The following TNS3 variants were observed in gnomAD, a reference collection of about 807,000 sequenced individuals.
TNS3 encodes the protein tensin-3.
Under a neutral mutation model 140.9 loss-of-function variants are expected in TNS3, and 45 were observed. That is an observed-to-expected ratio of 0.32 (90% confidence interval 0.25 to 0.41). The LOEUF is 0.41. TNS3 is among the 10% of genes least tolerant of loss of function. The pLI is 1.00. For missense variants in TNS3, 1,716 were observed against 1,906.7 expected, an observed-to-expected ratio of 0.90 and a Z score of 1.86; for synonymous variants, 815 against 788.4, an observed-to-expected ratio of 1.03 and a Z score of -0.56.
chr7:47,348,288 T>C (rs1194779175), intron 17 of TNS3, among the ~76,000 whole-genome samples: 1 of 152,200 alleles, frequency 6.6e-6, no homozygotes, highest in Non-Finnish European at 1.5e-5. Context: ...ACTGAGAGCC[T>C]GGTCCCCTTC....
intron 4 of TNS3, among the ~76,000 whole-genome samples, chr7:47,467,791 C>T (rs1796784593): frequency 6.6e-6 from 1 of 152,126 alleles, no homozygotes; most frequent in African/African-American, 2.4e-5. Context: ...GAAAACAAGG[C>T]CATGTATAAC....
chr7:47,293,972 A>T (rs1785861336), intron 24 of TNS3, 144 bp from the exon 25 acceptor site: 1 of 746,546 alleles, frequency 1.3e-6, no homozygotes, highest in African/African-American at 1.8e-5. Flanking sequence ...AGAGGCTGCC[A>T]AGAACCATCT....
At chr7:47,440,061 G>T (rs1795387857) in intron 5 of TNS3, among the ~76,000 whole-genome samples, 1 of 152,152 alleles carries the variant, frequency 6.6e-6, no homozygotes, top group African/African-American at 2.4e-5. Context: ...CTGCTCTGAG[G>T]TGTCAAGGTC....
intron 18 of TNS3, 49 bp downstream of exon 18, chr7:47,346,138 A>G (rs1355274610): frequency 6.2e-7 from 1 of 1,600,308 alleles, no homozygotes; most frequent in South Asian, 1.1e-5. Context: ...CCAGGACAAG[A>G]AAGGGAGTGG....
intron 5 of TNS3, among the ~76,000 whole-genome samples, chr7:47,441,283 A>T (rs10261349): frequency 1.3e-5 from 2 of 152,006 alleles, no homozygotes; most frequent in African/African-American, 4.8e-5. Context: ...GGTTAAAGGG[A>T]TTCTCCTGCC....
intron 16 of TNS3, 144 bp downstream of exon 16, chr7:47,396,656 A>G (rs777944289): frequency 5.7e-6 from 4 of 706,070 alleles, no homozygotes; most frequent in African/African-American, 1.7e-5. Context: ...CAACTGTGTC[A>G]CACGAAGGTG....
intron 12 of TNS3, among the ~76,000 whole-genome samples, chr7:47,412,342 C>T (rs566570301): frequency 6.6e-6 from 1 of 152,194 alleles, no homozygotes; most frequent in African/African-American, 2.4e-5. Flanking sequence ...GCAAAGGAGG[C>T]TAGACATGGC....
At chr7:47,364,847 G>A (rs1433352127) in intron 17 of TNS3, among the ~76,000 whole-genome samples, 1 of 152,186 alleles carries the variant, frequency 6.6e-6, no homozygotes, top group Non-Finnish European at 1.5e-5. Flanking sequence ...GTGTGGCAGG[G>A]TTCCTACAAG....
intron 20 of TNS3, among the ~76,000 whole-genome samples, chr7:47,318,671 G>A (rs927726814): frequency 4.6e-5 from 7 of 152,134 alleles, no homozygotes; most frequent in African/African-American, 1.4e-4. Flanking sequence ...CCCTTCACAA[G>A]CAGAGAGAGA....
chr7:47,572,570 G>A (rs1270324636), intron 1 of TNS3, among the ~76,000 whole-genome samples: 2 of 151,728 alleles, frequency 1.3e-5, no homozygotes, highest in East Asian at 1.9e-4. Flanking sequence ...GGAGGTGGGG[G>A]TGGGGAGTTA....
At chr7:47,524,940 C>T (rs1799137792) in intron 2 of TNS3, among the ~76,000 whole-genome samples, 1 of 151,458 alleles carries the variant, frequency 6.6e-6, no homozygotes, top group Non-Finnish European at 1.5e-5. Context: ...GGGGTGAAGT[C>T]ACCTAACATC....
chr7:47,530,434 G>A (rs77151795), intron 1 of TNS3, among the ~76,000 whole-genome samples: 32,946 of 151,904 alleles, frequency 0.22, 3,697 homozygotes, highest in East Asian at 0.34. Flanking sequence ...GGAGACTGAC[G>A]GAGAAGGGCA....
At chr7:47,346,443 C>T (rs1789349599) in intron 17 of TNS3, 87 bp from the exon 18 acceptor site, 6 of 1,510,986 alleles carry the variant, frequency 4.0e-6, no homozygotes, top group Middle Eastern at 2.4e-4. Context: ...TGCTGCTTCT[C>T]AAAGGTGCTG....
chr7:47,296,713 A>T (rs996801498), intron 24 of TNS3, among the ~76,000 whole-genome samples: 1 of 152,172 alleles, frequency 6.6e-6, no homozygotes, highest in Non-Finnish European at 1.5e-5. Context: ...CTGCATTTGG[A>T]CAGGTAACCA....
Position 47,521,445 on chromosome 7 carries a change from G to A in TNS3, c.-153+7591C>T, listed in dbSNP as rs1041524399. 3.9e-5 allele frequency among the ~76,000 whole-genome samples: 6 copies of A among 152,316 alleles called. No individual in the cohort carries two copies. In the East Asian group the frequency reaches 1.2e-3, roughly 29 times the overall value. ...CAGCACTCCACTTTGGGACGGAGGT[G>A]TCTGCCCTGTGCACAGGCATCTGGT... is the stretch of plus-strand genomic sequence containing the variant. On this transcript the variant is annotated intron_variant, in intron 2 of 30. Transcript: ENST00000311160.
chr7:47,397,777 T>C (rs1327670256), intron 15 of TNS3, among the ~76,000 whole-genome samples: 1 of 151,984 alleles, frequency 6.6e-6, no homozygotes, highest in Non-Finnish European at 1.5e-5. Context: ...CTCAAGGAAC[T>C]AGAGAAGCAA....
intron 11 of TNS3, 125 bp from the exon 12 acceptor site, chr7:47,414,122 G>A (rs1410766630): frequency 5.2e-6 from 5 of 953,634 alleles, no homozygotes; most frequent in Non-Finnish European, 6.5e-6. Context: ...TTGAGGTCTG[G>A]GAAAGCAGTG....
At chr7:47,521,987 C>T (rs1376313666) in intron 2 of TNS3, among the ~76,000 whole-genome samples, 4 of 152,140 alleles carry the variant, frequency 2.6e-5, no homozygotes, top group Admixed American at 2.6e-4. Flanking sequence ...GGGAGGTCTG[C>T]ACGGCGATGG....
chr7:47,582,334 C>T (rs563409048), upstream of TNS3: 3 of 428,272 alleles, frequency 7.0e-6, no homozygotes, highest in Admixed American at 7.7e-5. Context: ...TCGCTGGCCG[C>T]AGAGAGGACC....
Sources: allele counts gnomAD v4.1 joint callset (sites outside exome capture counted in the v4.1 genomes callset), GRCh38; gene constraint gnomAD v4.1.1; transcripts MANE v1.5; gene names NCBI Gene and HGNC (gene_info 2026-07-23, HGNC 2026-07-21).